The following MAST4 variants were observed in gnomAD, a reference collection of about 807,000 sequenced individuals.
MAST4 encodes microtubule-associated serine/threonine-protein kinase 4.
In MAST4, 89 loss-of-function variants were observed where a neutral mutation model predicts 162.7. The observed-to-expected ratio is 0.55, with a 90% CI of 0.46 to 0.65. The LOEUF is 0.65. MAST4 is among the 30% of genes least tolerant of loss of function. The pLI is 0.00. For synonymous variants in MAST4, 1,479 were observed against 1,361.1 expected (o/e 1.09, Z -1.91); for missense variants, 3,153 against 3,374.0 (o/e 0.93, Z 1.62).
In MAST4 at chr5:67,080,753, C is replaced by T. The variant is rs542499678; in HGVS notation, c.764-9409C>T. 1.5e-3 allele frequency among the ~76,000 whole-genome samples: 230 copies of T among 150,886 alleles called. 1 individual carries two copies. The highest frequency in any genetic ancestry group is 3.5e-3 in the Middle Eastern group (1 of 288). Reference sequence around the variant, plus strand: ...AATAATTTTAAATATTATAATATTACATGGACCGTATAATAGGCATTCTGC... The same window carrying T: ...AATAATTTTAAATATTATAATATTATATGGACCGTATAATAGGCATTCTGC... On this transcript the variant is annotated intron_variant, in intron 5 of 28. Coordinates refer to ENST00000403625, the MANE Select transcript of MAST4 (RefSeq NM_001164664.2).
At chr5:66,916,049 TC>T (rs1344928942) in intron 4 of MAST4, among the ~76,000 whole-genome samples, 5 of 152,230 alleles carry the variant, frequency 3.3e-5, no homozygotes, top group African/African-American at 1.2e-4. Flanking sequence ...GCCAAACAGA[TC>T]CAGAAAAAGA....
chr5:67,104,696 G>T, intron 10 of MAST4, 121 bp downstream of exon 10: 2 of 513,752 alleles, frequency 3.9e-6, no homozygotes, highest in Non-Finnish European at 6.4e-6. Flanking sequence ...CAAAAAAGAA[G>T]GAAAAAAAAA....
chr5:67,056,403 G>A (rs1167390223), intron 5 of MAST4, among the ~76,000 whole-genome samples: 2 of 152,104 alleles, frequency 1.3e-5, no homozygotes, highest in Non-Finnish European at 2.9e-5. Flanking sequence ...AGTGAATGAT[G>A]ATTCTGTTTT....
At chr5:66,867,394 A>T (rs1033511263) in intron 3 of MAST4, among the ~76,000 whole-genome samples, 1 of 152,222 alleles carries the variant, frequency 6.6e-6, no homozygotes, top group African/African-American at 2.4e-5. Context: ...GATGCAAATT[A>T]AGCTAAAGTA....
intron 1 of MAST4, among the ~76,000 whole-genome samples, chr5:66,739,367 A>AT (rs1324304553): frequency 1.3e-5 from 2 of 152,096 alleles, no homozygotes; most frequent in African/African-American, 2.4e-5. Context: ...TGGGGCAGGA[A>AT]TTTTTGGGAG....
chr5:66,788,861 A>C, intron 3 of MAST4, 67 bp downstream of exon 3: 1 of 1,451,694 alleles, frequency 6.9e-7, no homozygotes. Flanking sequence ...AATTTAAGTT[A>C]ATTGAGTTTA....
At chr5:67,148,218 T>G (rs1004724131) in intron 23 of MAST4, among the ~76,000 whole-genome samples, 1 of 152,178 alleles carries the variant, frequency 6.6e-6, no homozygotes, top group Non-Finnish European at 1.5e-5. Context: ...CTAAAGGTGA[T>G]GAGACAGTTG....
chr5:66,899,288 C>G (rs1008525299), intron 3 of MAST4, among the ~76,000 whole-genome samples: 1 of 152,088 alleles, frequency 6.6e-6, no homozygotes, highest in Admixed American at 6.6e-5. Flanking sequence ...AGGTAAGAAT[C>G]TTAAAATTGA....
At chr5:66,738,394 ATAT>A (rs1752272944) in intron 1 of MAST4, 1 of 152,404 alleles carries the variant, frequency 6.6e-6, no homozygotes, top group Admixed American at 6.5e-5. Flanking sequence ...AGAGAGCACA[ATAT>A]TATTGTATGC....
intron 4 of MAST4, among the ~76,000 whole-genome samples, chr5:66,952,725 G>A (rs528283430): frequency 5.3e-5 from 8 of 152,138 alleles, no homozygotes; most frequent in South Asian, 2.1e-4. Context: ...TTGTTCCACC[G>A]TCAGAGACTT....
rs1742207550 is a variant in MAST4 at position 66,596,817 on chromosome 5, C to T, written c.162C>T (p.Pro54=). 3.1e-6 allele frequency: 4 copies of T among 1,286,418 alleles called. No individual in the cohort carries two copies. In the South Asian group the frequency reaches 9.7e-5, roughly 31 times the overall value. 79.7% of individuals were successfully genotyped at this position (1,286,418 alleles called of 1,614,324 possible). A position where few individuals can be genotyped will look rare whatever the true frequency, so the allele number is the denominator to read the frequency against. The change falls in exon 1 of 29, where the codon CCC becomes CCT. Residue 54 remains proline (P), a synonymous_variant. Coordinates refer to ENST00000403625, the MANE Select transcript of MAST4 (RefSeq NM_001164664.2). ...GSETLSEEGE[P]GGFSREHQPP... is the part of the protein sequence containing the mutation. ...AAACTCTGTCGGAGGAAGGGGAGCC[C>T]GGCGGCTTCTCCAGAGAGCATCAGC...
intron 1 of MAST4, among the ~76,000 whole-genome samples, chr5:66,658,082 T>C (rs1452388962): frequency 6.6e-6 from 1 of 152,234 alleles, no homozygotes; most frequent in East Asian, 1.9e-4. Context: ...GGTAACCTGG[T>C]GCTGCCACTT....
intron 4 of MAST4, among the ~76,000 whole-genome samples, chr5:67,002,784 G>A (rs929918631): frequency 1.3e-5 from 2 of 151,982 alleles, no homozygotes; most frequent in African/African-American, 2.4e-5. Flanking sequence ...GTCATAGTAA[G>A]TGTTGTATCC....
rs142895243 is a variant in MAST4, at chr5:66,892,023, C to T, written c.643-7928C>T. Among the ~76,000 whole-genome samples the T allele has an allele frequency of 4.6e-5, 7 of 152,280 alleles. No individual in the cohort carries two copies. The East Asian group carries it at 9.7e-4, about 21-fold the overall frequency. On this transcript the variant is annotated intron_variant, in intron 3 of 28. Coordinates refer to ENST00000403625, the MANE Select transcript of MAST4 (RefSeq NM_001164664.2). ...TGTAGGTTTAATGCTACTTCTTTCT[C>T]GTTAGCTCTCTCGGACAAGGGAGGA...
intron 4 of MAST4, among the ~76,000 whole-genome samples, chr5:67,016,229 T>C (rs1753272776): frequency 6.6e-6 from 1 of 152,214 alleles, no homozygotes; most frequent in African/African-American, 2.4e-5. Flanking sequence ...GAATATGTTA[T>C]TATATTTATT....
intron 20 of MAST4, 73 bp from the exon 21 acceptor site, chr5:67,142,348 G>GA: frequency 6.6e-7 from 1 of 1,518,950 alleles, no homozygotes; most frequent in Non-Finnish European, 9.0e-7. Context: ...TGTTGATCCA[G>GA]AAAATCATAA....
At chr5:66,959,916 C>A (rs1745803458) in intron 4 of MAST4, among the ~76,000 whole-genome samples, 1 of 152,038 alleles carries the variant, frequency 6.6e-6, no homozygotes, top group South Asian at 2.1e-4. Context: ...GATGTAGCTA[C>A]ATGAACATGT....
rs543680003 is a variant in MAST4, at chr5:66,645,739, G to A, written c.363+48721G>A. Among the ~76,000 whole-genome samples, 84 of 152,198 alleles carry A rather than the reference G, an allele frequency of 5.5e-4. No individual in the cohort carries two copies. In the South Asian group the frequency reaches 0.015, roughly 26 times the overall value. ...TATTAAAAAAGTAAAGGTAAATTAG[G>A]TTTAAAGTTATGTGCTTTTATTATA... On this transcript the variant is annotated intron_variant, in intron 1 of 28. Coordinates refer to ENST00000403625, the MANE Select transcript of MAST4 (RefSeq NM_001164664.2).
At chr5:66,703,338 C>T (rs1749903412) in intron 1 of MAST4, among the ~76,000 whole-genome samples, 1 of 152,170 alleles carries the variant, frequency 6.6e-6, no homozygotes, top group Non-Finnish European at 1.5e-5. Context: ...TTTACCAAGT[C>T]ATGTAAAAGC....
Sources: allele counts gnomAD v4.1 joint callset (sites outside exome capture counted in the v4.1 genomes callset), GRCh38; gene constraint gnomAD v4.1.1; transcripts MANE v1.5; gene names NCBI Gene and HGNC (gene_info 2026-07-23, HGNC 2026-07-21).